The following NEB variants were observed in gnomAD, a reference collection of about 807,000 sequenced individuals.
The protein encoded by NEB is nemaline myopathy type 2.
A neutral mutation model predicts 952.2 loss-of-function variants in NEB; 512 were observed. That is an observed-to-expected ratio of 0.54 (90% CI 0.50 to 0.58). The LOEUF (loss-of-function observed/expected upper bound fraction) is 0.58, where lower values mean the gene tolerates loss of function less well. NEB is among the 20% of genes least tolerant of loss of function. The probability of loss-of-function intolerance (pLI) is 0.00; values close to 1 mark genes in which losing one functional copy is unlikely to be tolerated. For missense variants in NEB, 8,428 were observed against 9,231.1 expected, an observed-to-expected ratio of 0.91 and a Z score of 3.56; for synonymous variants, 2,900 against 3,149.8, an observed-to-expected ratio of 0.92 and a Z score of 2.66.
At chr2:151,544,127 G>T (rs1342285540) in intron 135 of NEB, among the ~76,000 whole-genome samples, 1 of 152,154 alleles carries the variant, frequency 6.6e-6, no homozygotes, top group Non-Finnish European at 1.5e-5. Context: ...TTCTTATGGA[G>T]AGGCAAATGT....
intron 135 of NEB, among the ~76,000 whole-genome samples, chr2:151,544,632 G>C (rs911605282): frequency 1.4e-4 from 21 of 152,214 alleles, no homozygotes; most frequent in African/African-American, 5.1e-4. Context: ...TTTTAGGAAA[G>C]CAAATTGGCT....
At chr2:151,715,506 T>C (rs1241126846) in intron 10 of NEB, among the ~76,000 whole-genome samples, 1 of 152,042 alleles carries the variant, frequency 6.6e-6, no homozygotes, top group East Asian at 1.9e-4. Flanking sequence ...TAAGTTTAGG[T>C]GAGGTCATGA....
chr2:151,630,928 G>C, intron 66 of NEB, 109 bp from the exon 67 acceptor site: 1 of 1,182,768 alleles, frequency 8.5e-7, no homozygotes. Flanking sequence ...AGCCAGACTT[G>C]AATATAAAGT....
In NEB at chr2:151,617,477, A is replaced by C; in HGVS notation, c.11077-9T>G. ...GCTTCAGTATATAAGCGCTACAAAAAAAAAAAAAAAAGAGAGAGAGAGAGA... is the reference window on the plus strand; with the variant it reads ...GCTTCAGTATATAAGCGCTACAAAACAAAAAAAAAAAGAGAGAGAGAGAGA... On this transcript the variant is annotated splice_polypyrimidine_tract_variant and intron_variant, in intron 74 of 181. Transcript: ENST00000397345. 1.4e-6 allele frequency: 2 copies of C among 1,407,156 alleles called. No individual in the cohort carries two copies. The highest frequency in any genetic ancestry group is 1.9e-6 in the Non-Finnish European group (2 of 1,048,018). The allele number at this position is 1,407,156 out of a possible 1,614,324, so 87.2% of individuals were successfully genotyped here.
rs1020189334 is a variant in NEB, at chr2:151,685,073, G to A, written c.2638-98C>T. ...AAACAATAAATACAAGTTAGAGAAAGAGTCAAACATCTGAGTAGTTATTTT... is the reference window on the plus strand; with the variant it reads ...AAACAATAAATACAAGTTAGAGAAAAAGTCAAACATCTGAGTAGTTATTTT... On this transcript the variant is annotated intron_variant, in intron 27 of 181. Coordinates refer to ENST00000397345, the MANE Select transcript of NEB (RefSeq NM_001164508.2). 32 of 1,263,876 alleles carry A rather than the reference G, an allele frequency of 2.5e-5. No individual in the cohort carries two copies. In the African/African-American group the frequency reaches 3.5e-4, roughly 14 times the overall value. 78.3% of individuals were successfully genotyped at this position (1,263,876 alleles called of 1,614,324 possible).
Position 151,662,218 on chromosome 2 carries a change from G to A in NEB, c.5887C>T (p.His1963Tyr), listed in dbSNP as rs1270867914. ...EIISEKKYRQ[H>Y]PDTLKYSTLM... ...GTGGAATACTTCAAAGTGTCTGGGTGCTGGCGGTACTTCTTTTCACTAATA... is the reference window on the plus strand; with the variant it reads ...GTGGAATACTTCAAAGTGTCTGGGTACTGGCGGTACTTCTTTTCACTAATA... Residue 1963 changes from histidine (H) to tyrosine (Y), a missense_variant, in exon 46 of 182, where the codon CAC becomes TAC. By Grantham distance (83) the His-to-Tyr change is moderately conservative. This residue lies in a region of NEB where 2,851 missense variants were observed against 2,791.5 expected (regional missense o/e 1.02). Coordinates refer to ENST00000397345, the MANE Select transcript of NEB (RefSeq NM_001164508.2). The A allele has an allele frequency of 4.3e-6, 7 of 1,613,528 alleles. No homozygotes were observed. In the African/African-American group the frequency reaches 8.0e-5, roughly 18 times the overall value.
At chr2:151,570,010 T>C in intron 109 of NEB, 71 bp downstream of exon 109, 5 of 1,408,012 alleles carry the variant, frequency 3.6e-6, no homozygotes, top group Non-Finnish European at 4.9e-6. Context: ...CAGAAGGGGT[T>C]AGTGTCATAA....
chr2:151,666,544 A>G, intron 40 of NEB, 143 bp from the exon 41 acceptor site: 2 of 738,682 alleles, frequency 2.7e-6, no homozygotes, highest in South Asian at 4.0e-5. Context: ...TAAAATAAAC[A>G]ATTAGCAAAA....
chr2:151,527,731 A>G, intron 146 of NEB, 146 bp from the exon 147 acceptor site: 1 of 638,562 alleles, frequency 1.6e-6, no homozygotes, highest in Non-Finnish European at 2.7e-6. Flanking sequence ...AAATTTCTGT[A>G]CAATTTATGC....
At chr2:151,575,899 C>A in intron 106 of NEB, 100 bp from the exon 107 acceptor site, 1 of 916,222 alleles carries the variant, frequency 1.1e-6, no homozygotes, top group South Asian at 1.4e-5. Flanking sequence ...GATCCAAAAC[C>A]CTTTCATGTT....
intron 133 of NEB, among the ~76,000 whole-genome samples, chr2:151,546,735 T>G (rs567517023): frequency 9.2e-5 from 14 of 152,024 alleles, no homozygotes; most frequent in South Asian, 4.2e-4. Context: ...ATTTTTGTAT[T>G]TTTAGTAGAG....
chr2:151,656,117 G>C lies in NEB; in HGVS notation c.6495+36C>G, dbSNP rs2099083416. ...ACTGTGATCTCCCTTCCCATGCTAG[G>C]ATTCCAACCATCACCCAAGTAGAAG... On this transcript the variant is annotated intron_variant, in intron 49 of 181. Coordinates refer to ENST00000397345, the MANE Select transcript of NEB (RefSeq NM_001164508.2). The C allele has an allele frequency of 3.2e-6, 5 of 1,574,118 alleles. No homozygotes were observed. The East Asian group carries it at 1.1e-4, about 35-fold the overall frequency.
intron 47 of NEB, 84 bp from the exon 48 acceptor site, chr2:151,658,174 G>A (rs918576890): frequency 1.9e-5 from 20 of 1,031,448 alleles, no homozygotes; most frequent in Admixed American, 2.8e-5. Context: ...CCACTGTGGC[G>A]TCTTTTTTTT....
intron 165 of NEB, among the ~76,000 whole-genome samples, chr2:151,503,648 C>T (rs1210112617): frequency 2.0e-5 from 3 of 152,042 alleles, no homozygotes; most frequent in African/African-American, 7.2e-5. Context: ...AAACTGGGCA[C>T]TAAATTATGC....
rs2099481662 is a variant in NEB, at chr2:151,684,958, A to G, written c.2655T>C (p.Asp885=). Residue 885 remains aspartate (D), a synonymous_variant, in exon 28 of 182, where the codon GAT becomes GAC. Transcript: ENST00000397345. ...TGTAGATAGTTTTTGACTTTTCATA[A>G]TCTTTTCGATATTCGCGCTGTGAAT... is the stretch of plus-strand genomic sequence containing the variant. The part of the protein sequence containing the change: ...KNQSDREYRK[D]YEKSKTIYTA... The G allele has an allele frequency of 6.2e-7, 1 of 1,608,246 alleles. No individual in the cohort carries two copies. The highest frequency in any genetic ancestry group is 8.5e-7 in the Non-Finnish European group (1 of 1,177,012).
At chr2:151,531,129 C>T (rs2090473065) in intron 144 of NEB, 28 bp from the exon 145 acceptor site, 2 of 1,407,672 alleles carry the variant, frequency 1.4e-6, no homozygotes, top group Non-Finnish European at 2.0e-6. Flanking sequence ...AGAAAGACAT[C>T]ATGTCATGCT....
rs1476062753 is a variant in NEB at position 151,610,047 on chromosome 2, T to A, written c.12092A>T (p.Lys4031Met). ...IGAQSIEDDP[K>M]IMCAIHAGKI... is the part of the protein sequence containing the mutation. ...TCCTGCATGTATGGCACACATAATC[T>A]TGGGATCATCTTCAATGCTCTGGGC... The change falls in exon 81 of 182, where the codon AAG becomes ATG. Residue 4031 changes from lysine to methionine, a missense_variant. Physicochemically the swap from Lys to Met is moderately conservative, Grantham distance 95 (BLOSUM62 -1). Around this residue, in one of 11 missense-constraint regions of NEB, gnomAD observed 337 missense variants for 297.5 expected, o/e 1.13. Coordinates refer to ENST00000397345, the MANE Select transcript of NEB (RefSeq NM_001164508.2). The A allele has an allele frequency of 1.2e-6, 2 of 1,613,876 alleles. No homozygotes were observed. The highest frequency in any genetic ancestry group is 1.7e-6 in the Non-Finnish European group (2 of 1,179,840).
chr2:151,626,849 A>C (rs2098536505), intron 70 of NEB, among the ~76,000 whole-genome samples, 153 bp downstream of exon 70: 1 of 152,254 alleles, frequency 6.6e-6, no homozygotes, highest in African/African-American at 2.4e-5. Context: ...ATGCTCCCAT[A>C]TATTGTTATC....
At chr2:151,686,213 A>G (rs931250262) in intron 27 of NEB, among the ~76,000 whole-genome samples, 8 of 152,208 alleles carry the variant, frequency 5.3e-5, no homozygotes, top group South Asian at 2.1e-4. Flanking sequence ...TACATATAAA[A>G]TGTTGTCAAA....
Sources: allele counts gnomAD v4.1 joint callset (sites outside exome capture counted in the v4.1 genomes callset), GRCh38; gene constraint gnomAD v4.1.1; regional missense constraint gnomAD v4.1.1; transcripts MANE v1.5; gene names NCBI Gene and HGNC (gene_info 2026-07-23, HGNC 2026-07-21).